Variants in EXT1 observed in about 807,000 individuals in gnomAD.
EXT1 encodes exostosin glycosyltransferase 1.
A neutral mutation model predicts 82.5 loss-of-function variants in EXT1; 20 were observed. That is an observed-to-expected ratio of 0.24 (90% confidence interval 0.17 to 0.35). The LOEUF is 0.35. Among genes scored for constraint, EXT1 ranks in the 10% least tolerant of loss-of-function variants. The pLI is 1.00. For missense variants in EXT1, 757 were observed against 936.5 expected (o/e 0.81, Z 2.50); for synonymous variants, 348 against 350.8 (o/e 0.99, Z 0.09).
intron 10 of EXT1, among the ~76,000 whole-genome samples, chr8:117,804,048 C>T (rs1478011782): frequency 2.6e-5 from 4 of 152,166 alleles, no homozygotes; most frequent in Non-Finnish European, 5.9e-5. Flanking sequence ...AAATAAGGTA[C>T]CTACAATCAA....
chr8:117,860,506 C>A (rs1162658652), intron 1 of EXT1, among the ~76,000 whole-genome samples: 1 of 152,146 alleles, frequency 6.6e-6, no homozygotes, highest in Admixed American at 6.5e-5. Flanking sequence ...AAATCTATTT[C>A]AAATAATTGG....
chr8:118,036,912 C>T (rs1816430303), intron 1 of EXT1, among the ~76,000 whole-genome samples: 1 of 152,044 alleles, frequency 6.6e-6, no homozygotes, highest in African/African-American at 2.4e-5. Flanking sequence ...TCTTTTCTTC[C>T]CCAGTGTCCC....
chr8:117,833,143 T>C (rs1038155489), intron 3 of EXT1, among the ~76,000 whole-genome samples: 2 of 152,110 alleles, frequency 1.3e-5, no homozygotes, highest in African/African-American at 4.8e-5. Flanking sequence ...CCATTGTTAA[T>C]GATAGTACAC....
intron 1 of EXT1, among the ~76,000 whole-genome samples, chr8:117,940,029 G>A (rs1814242532): frequency 2.0e-5 from 3 of 152,126 alleles, no homozygotes; most frequent in Non-Finnish European, 4.4e-5. Context: ...ATGATTCTTG[G>A]GTCCACCATG....
intron 1 of EXT1, among the ~76,000 whole-genome samples, chr8:117,901,183 G>A (rs1813441605): frequency 6.6e-6 from 1 of 152,172 alleles, no homozygotes; most frequent in Non-Finnish European, 1.5e-5. Context: ...TTGCTGTTGA[G>A]TGAATATCAT....
chr8:118,090,819 T>TGATA lies in EXT1; in HGVS notation c.962+19262_962+19265dup, dbSNP rs1286381592. Among the ~76,000 whole-genome samples the TGATA allele has an allele frequency of 2.4e-5, 3 of 125,580 alleles. No individual in the cohort carries two copies. In the East Asian group the frequency reaches 7.0e-4, roughly 29 times the overall value. The allele number at this position is 125,580 out of a possible 152,430, so 82.4% of individuals were successfully genotyped here. On this transcript the variant is annotated intron_variant, in intron 1 of 10. Transcript: ENST00000378204. The stretch of plus-strand genomic sequence containing the variant: ...AAAAAAAAAAAAAAAAGCATGTGCC[T>TGATA]GATAGATGACACCACAGAATTATAT...
At chr8:118,037,892 G>A (rs1397458761) in intron 1 of EXT1, among the ~76,000 whole-genome samples, 1 of 141,302 alleles carries the variant, frequency 7.1e-6, no homozygotes. Context: ...CCAGACTGCA[G>A]TGCAATGGCA....
At chr8:117,830,109 G>A in intron 4 of EXT1, 121 bp downstream of exon 4, 17 of 1,267,242 alleles carry the variant, frequency 1.3e-5, no homozygotes, top group Non-Finnish European at 1.9e-5. Flanking sequence ...ATATATCCAA[G>A]TACAGGAATC....
intron 6 of EXT1, 62 bp downstream of exon 6, chr8:117,819,614 G>A (rs770138684): frequency 1.1e-5 from 16 of 1,402,388 alleles, no homozygotes; most frequent in Admixed American, 1.7e-5. Context: ...CAGGTAAGGA[G>A]GGCGGAGTCT....
intron 1 of EXT1, among the ~76,000 whole-genome samples, chr8:118,084,103 T>C (rs1817378889): frequency 6.6e-6 from 1 of 152,080 alleles, no homozygotes. Flanking sequence ...GGAAGACAAA[T>C]GAGGTAATAT....
At chr8:118,004,536 A>G (rs1033338709) in intron 1 of EXT1, among the ~76,000 whole-genome samples, 2 of 152,190 alleles carry the variant, frequency 1.3e-5, no homozygotes, top group South Asian at 2.1e-4. Context: ...GAAAGGGAGG[A>G]AACCAAAGAG....
chr8:117,988,837 T>G (rs552718459), intron 1 of EXT1, among the ~76,000 whole-genome samples: 1 of 152,118 alleles, frequency 6.6e-6, no homozygotes, highest in Admixed American at 6.6e-5. Flanking sequence ...CAACCCAGAA[T>G]TGGACAAGTG....
At chr8:118,031,391 G>A (rs10092176) in intron 1 of EXT1, among the ~76,000 whole-genome samples, 48,278 of 151,624 alleles carry the variant, frequency 0.32, 10,286 homozygotes, top group African/African-American at 0.6. Context: ...CAGGCGTGGT[G>A]GCCCGCACCT....
At chr8:118,061,931 T>C (rs1236413760) in intron 1 of EXT1, among the ~76,000 whole-genome samples, 1 of 151,838 alleles carries the variant, frequency 6.6e-6, no homozygotes, top group African/African-American at 2.4e-5. Context: ...CTGGATAAAA[T>C]GACAAGATGC....
At chr8:117,844,184 G>A (rs1048101646) in intron 1 of EXT1, among the ~76,000 whole-genome samples, 4 of 102,852 alleles carry the variant, frequency 3.9e-5, no homozygotes, top group Admixed American at 3.2e-4. Flanking sequence ...ACAAGATCTT[G>A]CTCTGTCACC....
intron 3 of EXT1, 34 bp from the exon 4 acceptor site, chr8:117,830,383 C>T (rs1315155357): frequency 6.2e-7 from 1 of 1,610,206 alleles, no homozygotes; most frequent in Non-Finnish European, 8.5e-7. Flanking sequence ...GGAATTATAA[C>T]TGTAAAACAA....
At chr8:118,071,345 T>C (rs1817088592) in intron 1 of EXT1, among the ~76,000 whole-genome samples, 1 of 152,218 alleles carries the variant, frequency 6.6e-6, no homozygotes, top group African/African-American at 2.4e-5. Flanking sequence ...TACATAGTTC[T>C]TTGTTTGCGC....
At chr8:118,066,364 A>ATTTATTTTTTTTTTTT (rs1816987572) in intron 1 of EXT1, among the ~76,000 whole-genome samples, 1 of 149,916 alleles carries the variant, frequency 6.7e-6, no homozygotes. Context: ...TTATTTATTT[A>ATTTATTTTTTTTTTTT]TTTATTTATT....
At chr8:118,103,398 C>T (rs773468785) in intron 1 of EXT1, among the ~76,000 whole-genome samples, 23 of 152,142 alleles carry the variant, frequency 1.5e-4, no homozygotes, top group Middle Eastern at 3.2e-3. Flanking sequence ...GCAATCCTCC[C>T]GCCTTAGCCT....
Sources: allele counts gnomAD v4.1 joint callset (sites outside exome capture counted in the v4.1 genomes callset), GRCh38; gene constraint gnomAD v4.1.1; transcripts MANE v1.5; gene names NCBI Gene and HGNC (gene_info 2026-07-23, HGNC 2026-07-21).